RPA1: variants seen among roughly 807,000 people sequenced by gnomAD.
RPA1 encodes replication protein A 70 kDa DNA-binding subunit.
Under a neutral mutation model 83.0 loss-of-function variants are expected in RPA1, and 49 were observed. That is an observed-to-expected ratio of 0.59 (90% CI 0.47 to 0.75). The LOEUF (loss-of-function observed/expected upper bound fraction) is 0.75. Ranked by LOEUF, RPA1 falls within the 30% of genes least tolerant of loss-of-function variation. The pLI is 0.00. For missense variants in RPA1, 693 were observed against 776.1 expected, an observed-to-expected ratio of 0.89 and a Z score of 1.27; for synonymous variants, 279 against 281.8, an observed-to-expected ratio of 0.99 and a Z score of 0.10.
chr17:1,836,399 C>A (rs1363057124), intron 1 of RPA1, among the ~76,000 whole-genome samples: 1 of 152,116 alleles, frequency 6.6e-6, no homozygotes, highest in African/African-American at 2.4e-5. Context: ...CATAAGCCAC[C>A]ATGCCCGGCC....
At chr17:1,878,334 T>A (rs1298726335) in intron 8 of RPA1, among the ~76,000 whole-genome samples, 7 of 152,164 alleles carry the variant, frequency 4.6e-5, no homozygotes, top group Admixed American at 4.6e-4. Flanking sequence ...AAAAAATAGA[T>A]GTTTTTTTTG....
At chr17:1,895,355 T>TA (rs1555596877) in intron 16 of RPA1, among the ~76,000 whole-genome samples, 32 of 151,492 alleles carry the variant, frequency 2.1e-4, no homozygotes, top group African/African-American at 3.6e-4. Context: ...TTTATTTTTA[T>TA]TTTTTTTCAG....
At chr17:1,856,299 T>TA (rs545534102) in intron 5 of RPA1, among the ~76,000 whole-genome samples, 2,632 of 124,644 alleles carry the variant, frequency 0.021, 42 homozygotes, top group African/African-American at 0.046. Flanking sequence ...TGAGACCCCA[T>TA]AAAAAAAAAA....
intron 1 of RPA1, among the ~76,000 whole-genome samples, chr17:1,838,919 C>T (rs549377346): frequency 3.3e-4 from 50 of 152,208 alleles, no homozygotes; most frequent in African/African-American, 1.2e-3. Context: ...GGCACGATCT[C>T]GGCTCACTGC....
intron 2 of RPA1, 39 bp from the exon 3 acceptor site, chr17:1,843,881 G>A (rs1912154449): frequency 3.2e-6 from 5 of 1,572,240 alleles, no homozygotes; most frequent in Admixed American, 1.7e-5. Flanking sequence ...TGGGGACGGG[G>A]CAGACAACCT....
At chr17:1,888,008 CA>C (rs1230028927) in intron 13 of RPA1, among the ~76,000 whole-genome samples, 8 of 152,236 alleles carry the variant, frequency 5.3e-5, no homozygotes, top group African/African-American at 1.9e-4. Context: ...TTACTTGACC[CA>C]GGGGTGCCAC....
chr17:1,872,972 A>C (rs1020396164), intron 6 of RPA1, among the ~76,000 whole-genome samples: 1 of 152,176 alleles, frequency 6.6e-6, no homozygotes, highest in Admixed American at 6.5e-5. Flanking sequence ...CAGGGTGTCC[A>C]GCCAAAGATA....
rs190968741 is a variant in RPA1 at position 1,846,364 on chromosome 17, C to T, written c.272+1678C>T. Among the ~76,000 whole-genome samples the T allele has an allele frequency of 2.6e-4, 33 of 126,272 alleles. No homozygotes were observed. The East Asian group carries it at 7.4e-3, about 28-fold the overall frequency. 82.8% of individuals were successfully genotyped at this position (126,272 alleles called of 152,430 possible). A position where few individuals can be genotyped will look rare whatever the true frequency, so the allele number is the denominator to read the frequency against. ...TGAGGCCTCACTCTGGTTGCCCAGGCGGGAGTGCAGTGGCACCATCAGGGC... is the reference window on the plus strand; with the variant it reads ...TGAGGCCTCACTCTGGTTGCCCAGGTGGGAGTGCAGTGGCACCATCAGGGC... On this transcript the variant is annotated intron_variant, in intron 4 of 16. Coordinates refer to ENST00000254719, the MANE Select transcript of RPA1 (RefSeq NM_002945.5).
chr17:1,830,160 G>A, intron 1 of RPA1, 34 bp downstream of exon 1: 3 of 1,237,112 alleles, frequency 2.4e-6, no homozygotes, highest in Non-Finnish European at 3.0e-6. Flanking sequence ...CCGGCGGTCC[G>A]GGGTGGCTGC....
chr17:1,868,939 T>G (rs1474224928), intron 5 of RPA1, among the ~76,000 whole-genome samples: 1 of 152,248 alleles, frequency 6.6e-6, no homozygotes, highest in Non-Finnish European at 1.5e-5. Context: ...TGACTAAAAT[T>G]TGTTACACAA....
At chr17:1,833,908 G>T (rs1434499203) in intron 1 of RPA1, among the ~76,000 whole-genome samples, 2 of 152,160 alleles carry the variant, frequency 1.3e-5, no homozygotes, top group African/African-American at 4.8e-5. Flanking sequence ...TGGGCCAGGC[G>T]CAGTGGCTCA....
intron 5 of RPA1, among the ~76,000 whole-genome samples, chr17:1,862,802 A>C (rs965877369): frequency 1.5e-5 from 2 of 131,252 alleles, no homozygotes; most frequent in Admixed American, 8.6e-5. Flanking sequence ...GCTCACTGCA[A>C]CCTCCCCCGG....
chr17:1,866,384 G>A (rs760701766), intron 5 of RPA1, among the ~76,000 whole-genome samples: 5 of 151,580 alleles, frequency 3.3e-5, no homozygotes, highest in African/African-American at 4.9e-5. Context: ...GCGCAATCTC[G>A]GCTCAGTGCA....
intron 1 of RPA1, among the ~76,000 whole-genome samples, chr17:1,838,587 G>A (rs1911912182): frequency 1.4e-5 from 2 of 140,460 alleles, no homozygotes; most frequent in African/African-American, 5.3e-5. Flanking sequence ...TGGGCAACAA[G>A]AGTGAAACTC....
Position 1,895,113 on chromosome 17 carries a change from C to T in RPA1, c.1746+18C>T, listed in dbSNP as rs775312171. 5.6e-6 allele frequency: 9 copies of T among 1,602,500 alleles called. No individual in the cohort carries two copies. In the African/African-American group the frequency reaches 6.7e-5, roughly 12 times the overall value. On this transcript the variant is annotated intron_variant, in intron 16 of 16. Transcript: ENST00000254719. ...CCTACAACGTAAGTAAGGGCCTGGG[C>T]AGCAGGGTTGGTGGTGGGGAGGTGC...
At chr17:1,870,509 T>C (rs2151283187) in intron 5 of RPA1, among the ~76,000 whole-genome samples, 1 of 152,370 alleles carries the variant, frequency 6.6e-6, no homozygotes, top group East Asian at 1.9e-4. Context: ...GTTTTAAGCA[T>C]ACAGTTCAGT....
chr17:1,866,906 C>A (rs36088524), intron 5 of RPA1, among the ~76,000 whole-genome samples: 55,187 of 152,062 alleles, frequency 0.36, 12,182 homozygotes, highest in Non-Finnish European at 0.52. Context: ...CTGAAGATGT[C>A]GTTTCTAATG....
chr17:1,888,679 A>G lies in RPA1; in HGVS notation c.1379A>G (p.Asp460Gly). ...SENLGQGDKP[D>G]YFSSVATVVY... ...TGCTGTTCTTTTCTCCCGAAGCCGG[A>G]CTACTTTAGTTCTGTGGCCACAGTG... The change falls in exon 14 of 17, where the codon GAC becomes GGC. Residue 460 changes from aspartate (D) to glycine (G), a missense_variant. Transcript: ENST00000254719. 1 of 1,608,556 alleles carries G rather than the reference A, an allele frequency of 6.2e-7. No individual in the cohort carries two copies. The highest frequency in any genetic ancestry group is 1.3e-5 in the African/African-American group (1 of 74,938).
At chr17:1,872,873 T>G (rs1210192983) in intron 6 of RPA1, among the ~76,000 whole-genome samples, 1 of 152,096 alleles carries the variant, frequency 6.6e-6, no homozygotes, top group Non-Finnish European at 1.5e-5. Context: ...GGTGTCTTAC[T>G]ATGTTGCCCT....
Sources: gnomAD v4.1 joint callset for allele counts (sites outside exome capture counted in the v4.1 genomes callset) on GRCh38, gnomAD v4.1.1 for gene constraint, MANE v1.5 for transcripts, NCBI Gene and HGNC (gene_info 2026-07-23, HGNC 2026-07-21) for gene names.